FAM168A: variants seen among roughly 807,000 people sequenced by gnomAD.
FAM168A encodes family with sequence similarity 168 member A, also known as protein FAM168A.
FAM168A carries 3 observed loss-of-function variants against 28.5 expected under a neutral mutation model. That is an observed-to-expected ratio of 0.11 (90% CI 0.05 to 0.27). FAM168A has a LOEUF of 0.27. Ranked by LOEUF, FAM168A falls within the 10% of genes least tolerant of loss-of-function variation. The pLI is 1.00. For missense variants in FAM168A, 222 were observed against 311.5 expected (o/e 0.71, Z 2.16); for synonymous variants, 122 against 124.2 (o/e 0.98, Z 0.12).
chr11:73,514,512 C>G (rs1243434098), intron 1 of FAM168A, among the ~76,000 whole-genome samples: 1 of 152,170 alleles, frequency 6.6e-6, no homozygotes, highest in Non-Finnish European at 1.5e-5. Context: ...AGACTTCTGT[C>G]TGTACAACAC....
chr11:73,444,993 C>T (rs976314051), intron 2 of FAM168A, among the ~76,000 whole-genome samples: 9 of 152,300 alleles, frequency 5.9e-5, no homozygotes, highest in Non-Finnish European at 1.0e-4. Context: ...GCCGCGGTGG[C>T]TCACACCTGT....
At chr11:73,541,891 A>T (rs1800165296) in intron 1 of FAM168A, among the ~76,000 whole-genome samples, 2 of 152,208 alleles carry the variant, frequency 1.3e-5, no homozygotes, top group African/African-American at 2.4e-5. Flanking sequence ...CTAAAAGGTA[A>T]AGTGAACTAT....
At chr11:73,511,567 C>T (rs1855228127) in intron 1 of FAM168A, among the ~76,000 whole-genome samples, 1 of 147,046 alleles carries the variant, frequency 6.8e-6, no homozygotes, top group African/African-American at 2.7e-5. Context: ...GAATCTTAAG[C>T]TGTTTTAGCC....
intron 1 of FAM168A, among the ~76,000 whole-genome samples, chr11:73,546,446 G>A (rs1943753868): frequency 1.3e-5 from 2 of 152,296 alleles, no homozygotes; most frequent in East Asian, 3.9e-4. Flanking sequence ...AAAGCTAGCT[G>A]TTGGGCTGGG....
chr11:73,563,381 T>C lies in FAM168A; in HGVS notation c.-19+34542A>G, dbSNP rs540812566. On this transcript the variant is annotated intron_variant, in intron 1 of 7. Coordinates refer to ENST00000356467, the MANE Select transcript of FAM168A (RefSeq NM_015159.3). ...TTAGCTGAGGTTTAGAGATAATTTA[T>C]GTAGAATGCCTACACACTATCTGGC... is the stretch of plus-strand genomic sequence containing the variant. Among the ~76,000 whole-genome samples, 249 of 152,354 alleles carry C rather than the reference T, an allele frequency of 1.6e-3. 1 individual carries two copies. The highest frequency in any genetic ancestry group is 5.8e-3 in the African/African-American group (241 of 41,580).
chr11:73,567,517 G>A (rs1944034150), intron 1 of FAM168A, among the ~76,000 whole-genome samples: 1 of 152,132 alleles, frequency 6.6e-6, no homozygotes, highest in Admixed American at 6.5e-5. Context: ...CTCTACCTAT[G>A]ACTCTGTGGA....
chr11:73,471,978 G>A (rs769435170), intron 1 of FAM168A, among the ~76,000 whole-genome samples: 58 of 152,228 alleles, frequency 3.8e-4, no homozygotes, highest in Non-Finnish European at 2.6e-4. Flanking sequence ...ATTACCACCT[G>A]AGCTCACCTC....
intron 3 of FAM168A, among the ~76,000 whole-genome samples, chr11:73,427,673 TATAG>T (rs974792967): frequency 1.8e-4 from 27 of 152,324 alleles, no homozygotes; most frequent in South Asian, 1.2e-3. Context: ...AACAAGCTAA[TATAG>T]ATAAAGAACT....
chr11:73,526,208 C>T (rs534198680), intron 1 of FAM168A, among the ~76,000 whole-genome samples: 2 of 152,138 alleles, frequency 1.3e-5, no homozygotes, highest in African/African-American at 4.8e-5. Flanking sequence ...ATAAATGACA[C>T]AAAATTCACA....
chr11:73,448,771 G>A (rs751562345), intron 2 of FAM168A, among the ~76,000 whole-genome samples: 5 of 152,132 alleles, frequency 3.3e-5, no homozygotes, highest in African/African-American at 4.8e-5. Context: ...TAGAGCTACA[G>A]CAGCCATCTT....
At chr11:73,508,756 C>G (rs1314952257) in intron 1 of FAM168A, among the ~76,000 whole-genome samples, 1 of 152,064 alleles carries the variant, frequency 6.6e-6, no homozygotes, top group Non-Finnish European at 1.5e-5. Flanking sequence ...ACAGGGGGTA[C>G]AGCCTCCTGG....
At chr11:73,517,156 C>A (rs1224561955) in intron 1 of FAM168A, among the ~76,000 whole-genome samples, 1 of 152,048 alleles carries the variant, frequency 6.6e-6, no homozygotes, top group Admixed American at 6.6e-5. Context: ...CCCAAGCAAT[C>A]CTCCCACCTC....
chr11:73,467,924 C>T lies in FAM168A; in HGVS notation c.70+481G>A, dbSNP rs538329925. On this transcript the variant is annotated intron_variant, in intron 2 of 7. Coordinates refer to ENST00000356467, the MANE Select transcript of FAM168A (RefSeq NM_015159.3). The stretch of plus-strand genomic sequence containing the variant: ...GACAATGAAACTGTTGTGATAAACA[C>T]AAACATGGGAAATAGAAAGTTAGTG... Among the ~76,000 whole-genome samples the T allele has an allele frequency of 7.9e-5, 12 of 152,260 alleles. No homozygotes were observed. The East Asian group carries it at 1.7e-3, about 22-fold the overall frequency.
intron 1 of FAM168A, among the ~76,000 whole-genome samples, chr11:73,508,602 G>A (rs565677884): frequency 6.6e-6 from 1 of 152,138 alleles, no homozygotes; most frequent in South Asian, 2.1e-4. Flanking sequence ...GGGTGGGTAG[G>A]GGTGTGTGGG....
At chr11:73,526,034 T>C (rs1340748160) in intron 1 of FAM168A, among the ~76,000 whole-genome samples, 1 of 152,160 alleles carries the variant, frequency 6.6e-6, no homozygotes, top group Non-Finnish European at 1.5e-5. Context: ...ACAGTTAGCC[T>C]AGTATAAAGG....
intron 1 of FAM168A, among the ~76,000 whole-genome samples, chr11:73,483,310 C>T (rs1867993003): frequency 6.6e-6 from 1 of 152,176 alleles, no homozygotes; most frequent in African/African-American, 2.4e-5. Flanking sequence ...CTGTCCCTTT[C>T]CCAGGTCTAG....
intron 1 of FAM168A, among the ~76,000 whole-genome samples, chr11:73,476,622 AG>A (rs138552756): frequency 0.011 from 1,629 of 152,324 alleles, 33 homozygotes; most frequent in African/African-American, 0.038. Context: ...TTGTTCTTGC[AG>A]GAGTCTAGAT....
chr11:73,456,567 C>T (rs953280045), intron 2 of FAM168A, among the ~76,000 whole-genome samples: 13 of 152,130 alleles, frequency 8.5e-5, no homozygotes, highest in Admixed American at 6.6e-4. Context: ...AATCCTTACT[C>T]GATACTTTCT....
chr11:73,425,533 T>C (rs934837295), intron 3 of FAM168A, among the ~76,000 whole-genome samples: 2 of 152,224 alleles, frequency 1.3e-5, no homozygotes, highest in Non-Finnish European at 2.9e-5. Flanking sequence ...TGTGGTGCTA[T>C]AGAAGGAGCA....
Sources: allele counts gnomAD v4.1 joint callset (sites outside exome capture counted in the v4.1 genomes callset), GRCh38; gene constraint gnomAD v4.1.1; transcripts MANE v1.5; gene names NCBI Gene and HGNC (gene_info 2026-07-23, HGNC 2026-07-21).